Variants in PLEKHG6 observed in about 807,000 individuals in gnomAD.
The protein encoded by PLEKHG6 is pleckstrin homology domain-containing family G member 6.
PLEKHG6 carries 91 observed loss-of-function variants against 97.5 expected under a neutral mutation model. The observed-to-expected ratio is 0.93, with a 90% CI of 0.79 to 1.11. PLEKHG6 has a LOEUF of 1.11. Ranked by LOEUF, PLEKHG6 falls within the 50% of genes most tolerant of loss-of-function variation. The probability of loss-of-function intolerance (pLI) is 0.00; values close to 1 mark genes in which losing one functional copy is unlikely to be tolerated. For synonymous variants in PLEKHG6, 466 were observed against 425.5 expected, an observed-to-expected ratio of 1.10 and a Z score of -1.17; for missense variants, 1,044 against 1,031.0, an observed-to-expected ratio of 1.01 and a Z score of -0.17.
upstream of PLEKHG6, chr12:6,310,386 C>T (rs966243489): frequency 2.0e-5 from 3 of 152,570 alleles, no homozygotes; most frequent in East Asian, 1.9e-4. Flanking sequence ...TTGTCACCCT[C>T]GCCGCCTCCC....
chr12:6,315,674 C>A lies in PLEKHG6; in HGVS notation c.555+25C>A. 6.9e-7 allele frequency: 1 copy of A among 1,451,796 alleles called. No homozygotes were observed. Among genetic ancestry groups the A allele is most frequent in the Non-Finnish European group, 9.5e-7 (1 of 1,052,286 alleles). 89.9% of individuals were successfully genotyped at this position (1,451,796 alleles called of 1,614,324 possible). A position where few individuals can be genotyped will look rare whatever the true frequency, so the allele number is the denominator to read the frequency against. ...TGTGAGCCCCCCTCAGCCCCAGCCC[C>A]GGCCCCATCTTCCCTGCATGAGCCC... On this transcript the variant is annotated intron_variant, in intron 5 of 15. Transcript: ENST00000684764. This position sits in a 1 kb window ranked among gnomAD's most constrained non-coding sequence, Gnocchi z 4.5.
In PLEKHG6 at chr12:6,312,333, G is replaced by A. The variant is rs942386258; in HGVS notation, c.107G>A (p.Gly36Asp). ...CGAGCCTCTGCTCAGAGCACTGCTG[G>A]CAGACTCTATCCCCGAGGATACCCT... Reference protein sequence around the residue: ...RHRASAQSTAGRLYPRGYPVL... With the variant: ...RHRASAQSTADRLYPRGYPVL... The change falls in exon 2 of 16, where the codon GGC becomes GAC. Residue 36 changes from glycine to aspartate, a missense_variant. Transcript: ENST00000684764. 14 of 1,583,374 alleles carry A rather than the reference G, an allele frequency of 8.8e-6. No homozygotes were observed. Among genetic ancestry groups the A allele is most frequent in the Admixed American group, 3.7e-5 (2 of 53,694 alleles).
rs1162574617 is a variant in PLEKHG6 at position 6,319,032 on chromosome 12, T to G, written c.1448T>G (p.Val483Gly). The change falls in exon 13 of 16, where the codon GTC (valine) becomes GGC (glycine). Residue 483 changes from valine to glycine, a missense_variant. Physicochemically the swap from Val to Gly is moderately radical, Grantham distance 109. Transcript: ENST00000684764. ...ATCCACCTCACTGAATTCCAGTGTG[T>G]CTCCAGCGCCCTCCTTGTGCACTGT... ...LLIHLTEFQCVSSALLVHCPS... is the reference protein window; with the variant it reads ...LLIHLTEFQCGSSALLVHCPS... 4 of 1,613,920 alleles carry G rather than the reference T, an allele frequency of 2.5e-6. No individual in the cohort carries two copies. Among genetic ancestry groups the G allele is most frequent in the Non-Finnish European group, 3.4e-6 (4 of 1,179,962 alleles).
In PLEKHG6 at chr12:6,315,575, C is replaced by T; in HGVS notation, c.481C>T (p.His161Tyr). The part of the protein sequence containing the change: ...GHKEMSQELC[H>Y]QQEALWELLT... ...CCAGGAGATGAGCCAGGAGCTCTGC[C>T]ACCAACAGGAGGCCCTGTGGGAGCT... The change falls in exon 5 of 16, where the codon CAC (histidine) becomes TAC (tyrosine). Residue 161 changes from histidine to tyrosine, a missense_variant. By Grantham distance (83) the His-to-Tyr change is moderately conservative. Coordinates refer to ENST00000684764, the MANE Select transcript of PLEKHG6 (RefSeq NM_001384598.1). The surrounding 1 kb of genome is among the most constrained non-coding windows in gnomAD (Gnocchi z 4.5). 1 of 1,580,422 alleles carries T rather than the reference C, an allele frequency of 6.3e-7. No homozygotes were observed. Among genetic ancestry groups the T allele is most frequent in the Non-Finnish European group, 8.7e-7 (1 of 1,154,708 alleles).
At position 6,315,216 on chromosome 12, in the gene PLEKHG6, C is replaced by T; in HGVS notation, c.459+47C>T. ...TGAGTCTGTCCCCACGGCGTGAATG[C>T]ACACACAGATTCTGCTCTAGAGGAG... On this transcript the variant is annotated intron_variant, in intron 4 of 15. Coordinates refer to ENST00000684764, the MANE Select transcript of PLEKHG6 (RefSeq NM_001384598.1). This position sits in a 1 kb window ranked among gnomAD's most constrained non-coding sequence, Gnocchi z 4.5. The T allele has an allele frequency of 6.4e-7, 1 of 1,558,980 alleles. No individual in the cohort carries two copies. Among genetic ancestry groups the T allele is most frequent in the Non-Finnish European group, 8.7e-7 (1 of 1,146,216 alleles).
rs1457795581 is a variant in PLEKHG6 at position 6,327,281 on chromosome 12, C to T, written c.1698C>T (p.Pro566=). The part of the protein sequence containing the change: ...GRTPEFSTII[P]HLVVTEDTDE... ...CTCCTGAGTTCTCGACCATTATCCC[C>T]CACCTGGTGGTGACAGAAGACACAG... The change falls in exon 15 of 16, where the codon CCC becomes CCT. Residue 566 remains proline, a synonymous_variant. Coordinates refer to ENST00000684764, the MANE Select transcript of PLEKHG6 (RefSeq NM_001384598.1). 2 of 1,605,902 alleles carry T rather than the reference C, an allele frequency of 1.2e-6. No individual in the cohort carries two copies. Among genetic ancestry groups the T allele is most frequent in the Non-Finnish European group, 1.7e-6 (2 of 1,174,754 alleles).
In PLEKHG6 at chr12:6,315,263, G is replaced by A. The variant is rs535475232; in HGVS notation, c.459+94G>A. ...GGAGGGAAAGGCCTTGGGAAGTGGG[G>A]TCATGTGGAAAAAACATCTGGAAAC... On this transcript the variant is annotated intron_variant, in intron 4 of 15. Coordinates refer to ENST00000684764, the MANE Select transcript of PLEKHG6 (RefSeq NM_001384598.1). This position sits in a 1 kb window ranked among gnomAD's most constrained non-coding sequence, Gnocchi z 4.5. 39 of 1,270,904 alleles carry A rather than the reference G, an allele frequency of 3.1e-5. No homozygotes were observed. The African/African-American group carries it at 5.4e-4, about 18-fold the overall frequency. 78.7% of individuals were successfully genotyped at this position (1,270,904 alleles called of 1,614,324 possible). A position where few individuals can be genotyped will look rare whatever the true frequency, so the allele number is the denominator to read the frequency against.
At position 6,317,393 on chromosome 12, in the gene PLEKHG6, C is replaced by T. The variant is rs757905511; in HGVS notation, c.847C>T (p.Leu283Phe). Residue 283 changes from leucine to phenylalanine, a missense_variant, in exon 8 of 16, where the codon CTC (leucine) becomes TTC (phenylalanine). Transcript: ENST00000684764. ...YAREQQETNP[L>F]FHAFVQWCEK... Reference sequence around the variant, plus strand: ...CCGAGAACAGCAAGAAACTAACCCTCTCTTCCATGCCTTCGTGCAGGTGGG... The same window carrying T: ...CCGAGAACAGCAAGAAACTAACCCTTTCTTCCATGCCTTCGTGCAGGTGGG... 2 of 1,613,880 alleles carry T rather than the reference C, an allele frequency of 1.2e-6. No homozygotes were observed. The highest frequency in any genetic ancestry group is 8.5e-7 in the Non-Finnish European group (1 of 1,179,786).
Position 6,327,793 on chromosome 12 carries a change from A to T in PLEKHG6, c.2210A>T (p.Asp737Val). 1 of 1,522,268 alleles carries T rather than the reference A, an allele frequency of 6.6e-7. No homozygotes were observed. Among genetic ancestry groups the T allele is most frequent in the Non-Finnish European group, 8.8e-7 (1 of 1,137,316 alleles). The allele number at this position is 1,522,268 out of a possible 1,614,324, so 94.3% of individuals were successfully genotyped here. ...HTSLRPMRAE[D>V]MLREIREELA... is the part of the protein sequence containing the mutation. ...TCCCTGCGCCCAATGCGGGCTGAGG[A>T]CATGCTCAGAGAGATCCGGGAGGAG... Residue 737 changes from aspartate to valine, a missense_variant, in exon 15 of 16, where the codon GAC (aspartate) becomes GTC (valine). Physicochemically the swap from Asp to Val is radical, Grantham distance 152. Coordinates refer to ENST00000684764, the MANE Select transcript of PLEKHG6 (RefSeq NM_001384598.1).
chr12:6,326,546 A>T lies in PLEKHG6; in HGVS notation c.1643A>T (p.Glu548Val). The T allele has an allele frequency of 1.3e-6, 2 of 1,573,656 alleles. No individual in the cohort carries two copies. Among genetic ancestry groups the T allele is most frequent in the Non-Finnish European group, 1.7e-6 (2 of 1,164,082 alleles). The change falls in exon 14 of 16, where the codon GAG becomes GTG. Residue 548 changes from glutamate to valine, a missense_variant. By Grantham distance (121) the Glu-to-Val change is moderately radical. Transcript: ENST00000684764. ...PSTRPSTPSL[E>V]GSQSSAEGRT... ...ACCAGGCCCTCCACGCCTTCCCTGG[A>T]GGGCTCTCAGAGCAGCGCAGAGGGG... is the stretch of plus-strand genomic sequence containing the variant.
rs1947409339 is a variant in PLEKHG6 at position 6,315,110 on chromosome 12, G to T, written c.400G>T (p.Gly134Cys). 2 of 1,613,056 alleles carry T rather than the reference G, an allele frequency of 1.2e-6. No individual in the cohort carries two copies. The highest frequency in any genetic ancestry group is 1.7e-6 in the Non-Finnish European group (2 of 1,180,016). ...EDRRHWEIGE[G>C]GDSGLTIEKS... ...CCGGCGGCACTGGGAGATAGGAGAG[G>T]GTGGCGACAGTGGCCTGACCATCGA... Residue 134 changes from glycine to cysteine, a missense_variant, in exon 4 of 16, where the codon GGT becomes TGT. Transcript: ENST00000684764. This position sits in a 1 kb window ranked among gnomAD's most constrained non-coding sequence, Gnocchi z 4.5.
intron 2 of PLEKHG6, 83 bp downstream of exon 2, chr12:6,312,447 G>A (rs1947305844): frequency 7.1e-7 from 1 of 1,412,624 alleles, no homozygotes; most frequent in African/African-American, 1.5e-5. Flanking sequence ...TCCCCTTACA[G>A]GTTCAGAGGT....
In PLEKHG6 at chr12:6,315,511, T is replaced by G; in HGVS notation, c.460-43T>G. 1 of 1,273,220 alleles carries G rather than the reference T, an allele frequency of 7.9e-7. No homozygotes were observed. Among genetic ancestry groups the G allele is most frequent in the South Asian group, 1.4e-5 (1 of 71,024 alleles). The allele number at this position is 1,273,220 out of a possible 1,614,324, so 78.9% of individuals were successfully genotyped here. ...ACTTAACAGCTGGTACTTGCCATTC[T>G]AATTATCATTCCCCAACTGAACCAG... On this transcript the variant is annotated intron_variant, in intron 4 of 15. Transcript: ENST00000684764. This position sits in a 1 kb window ranked among gnomAD's most constrained non-coding sequence, Gnocchi z 4.5.
At position 6,327,479 on chromosome 12, in the gene PLEKHG6, T is replaced by TGGGGGCCCCCCCC; in HGVS notation, c.1896_1897insGGGGGCCCCCCCC (p.Pro633GlyfsTer41). 6 of 1,603,236 alleles carry TGGGGGCCCCCCCC rather than the reference T, an allele frequency of 3.7e-6. No individual in the cohort carries two copies. The highest frequency in any genetic ancestry group is 5.1e-6 in the Non-Finnish European group (6 of 1,171,682). ...TGGAACTCCGGGACATCCCTCTGCG[T>TGGGGGCCCCCCCC]CCCCACCCTCCCGACCCCCAAGCTC... On this transcript the variant is annotated frameshift_variant, in exon 15 of 16. Transcript: ENST00000684764. LOFTEE classifies it high-confidence loss of function.
chr12:6,312,270 T>C lies in PLEKHG6; in HGVS notation c.44T>C (p.Leu15Pro), dbSNP rs775929916. The C allele has an allele frequency of 1.3e-6, 2 of 1,548,860 alleles. No homozygotes were observed. The highest frequency in any genetic ancestry group is 1.2e-5 in the South Asian group (1 of 80,766). ...GPPHEGPLQG[L>P]VASRIETYGG... ...CCACATGAGGGCCCCCTCCAAGGACTCGTGGCCTCCCGCATTGAGACTTAT... is the reference window on the plus strand; with the variant it reads ...CCACATGAGGGCCCCCTCCAAGGACCCGTGGCCTCCCGCATTGAGACTTAT... The change falls in exon 2 of 16, where the codon CTC becomes CCC. Residue 15 changes from leucine to proline, a missense_variant. Coordinates refer to ENST00000684764, the MANE Select transcript of PLEKHG6 (RefSeq NM_001384598.1).
chr12:6,312,603 G>A (rs1211855573), intron 2 of PLEKHG6: 35 of 1,305,332 alleles, frequency 2.7e-5, no homozygotes, highest in South Asian at 4.1e-5. Context: ...CAGGCCCTCC[G>A]AGGAGTGCTG....
At chr12:6,322,397 A>G (rs904210165) in intron 13 of PLEKHG6, among the ~76,000 whole-genome samples, 1 of 152,182 alleles carries the variant, frequency 6.6e-6, no homozygotes, top group African/African-American at 2.4e-5. Context: ...GACAAAAAAC[A>G]CACCCCAAGG....
intron 2 of PLEKHG6, 60 bp downstream of exon 2, chr12:6,312,424 T>G (rs760539691): frequency 6.7e-7 from 1 of 1,497,796 alleles, no homozygotes; most frequent in Non-Finnish European, 9.0e-7. Context: ...ACACCTAGGC[T>G]GTGGAGTCTC....
chr12:6,326,866 G>A (rs1485266004), intron 14 of PLEKHG6, among the ~76,000 whole-genome samples: 5 of 151,366 alleles, frequency 3.3e-5, no homozygotes, highest in African/African-American at 1.2e-4. Context: ...GTGTGGATCT[G>A]CAGAATATTA....
Sources: gnomAD v4.1 joint callset for allele counts (sites outside exome capture counted in the v4.1 genomes callset) on GRCh38, gnomAD v4.1.1 for gene constraint, Gnocchi (gnomAD v3.1) non-coding constraint, MANE v1.5 for transcripts, NCBI Gene and HGNC (gene_info 2026-07-23, HGNC 2026-07-21) for gene names.